The following PUDP variants were observed in gnomAD, a reference collection of about 807,000 sequenced individuals.
The protein encoded by PUDP is pseudouridine 5'-phosphatase.
A neutral mutation model predicts 9.4 loss-of-function variants in PUDP; 8 were observed. The observed-to-expected ratio is 0.85, with a 90% CI of 0.50 to 1.53. The LOEUF is 1.53. PUDP is among the 40% of genes most tolerant of loss of function. The probability of loss-of-function intolerance (pLI) is 0.00; values close to 1 mark genes in which losing one functional copy is unlikely to be tolerated. For synonymous variants in PUDP, 99 were observed against 80.7 expected, an observed-to-expected ratio of 1.23 and a Z score of -1.22; for missense variants, 188 against 189.7, an observed-to-expected ratio of 0.99 and a Z score of 0.05.
chrX:7,125,510 G>A (rs1932461863), intron 1 of PUDP, among the ~76,000 whole-genome samples: 1 of 111,097 alleles, frequency 9.0e-6, no homozygotes, highest in South Asian at 3.8e-4. Context: ...ATGCACAAAG[G>A]CTTTATTTAA....
intron 1 of PUDP, among the ~76,000 whole-genome samples, chrX:7,015,461 G>T (rs1359526095): frequency 1.8e-5 from 2 of 111,863 alleles, no homozygotes; most frequent in Non-Finnish European, 3.8e-5. Context: ...CCCCTCAAAG[G>T]CCCCTCTATT....
chrX:7,004,754 A>C (rs1267700819), intron 1 of PUDP, among the ~76,000 whole-genome samples: 1 of 112,137 alleles, frequency 8.9e-6, no homozygotes, highest in African/African-American at 3.2e-5. Flanking sequence ...CACTGTTTAA[A>C]GATTAGGGTA....
intron 1 of PUDP, chrX:7,113,208 G>C (rs780769705): frequency 1.8e-5 from 2 of 112,642 alleles, no homozygotes; most frequent in East Asian, 5.6e-4. Context: ...ACTGCCTGTA[G>C]GTACAGGTCC....
At chrX:6,827,390 C>T (rs761341684) in intron 3 of PUDP, among the ~76,000 whole-genome samples, 6 of 111,904 alleles carry the variant, frequency 5.4e-5, no homozygotes, top group African/African-American at 1.6e-4. Flanking sequence ...CTGTGTCACA[C>T]AATTTTGGGA....
At chrX:6,967,588 T>C (rs185771393) in intron 3 of PUDP, among the ~76,000 whole-genome samples, 1 of 111,072 alleles carries the variant, frequency 9.0e-6, no homozygotes, top group East Asian at 2.9e-4. Context: ...CACTACCCCA[T>C]GTTGGGGCTC....
At position 6,798,881 on chromosome X, in the gene PUDP, G is replaced by A. The variant is rs183893899; in HGVS notation, c.*248-92415C>T. Among the ~76,000 whole-genome samples the A allele has an allele frequency of 1.6e-4, 18 of 112,034 alleles. 1 individual carries two copies. The East Asian group carries it at 5.1e-3, about 31-fold the overall frequency. On this transcript the variant is annotated intron_variant and NMD_transcript_variant, in intron 3 of 3. Transcript: ENST00000655425. ...GCTCACTGCAGCCTAAAACCCCTGG[G>A]CTCAAGCAGTCCTCCCACCTCAGCC...
At chrX:6,719,007 G>T (rs1044539038) in intron 1 of PUDP, among the ~76,000 whole-genome samples, 2 of 111,291 alleles carry the variant, frequency 1.8e-5, no homozygotes, top group African/African-American at 6.5e-5. Context: ...AGAGAGGCCT[G>T]TGTGGGGACC....
chrX:6,842,296 T>C lies in PUDP; in HGVS notation c.*247+134837A>G, dbSNP rs750591688. Among the ~76,000 whole-genome samples the C allele has an allele frequency of 7.5e-4, 84 of 112,176 alleles. 1 individual carries two copies. The highest frequency in any genetic ancestry group is 1.1e-3 in the Non-Finnish European group (56 of 53,274). ...GTATACTTGAATATAAAATGCCTCCTTGTCAGTCTCAGGCATTCATTCAAT... is the reference window on the plus strand; with the variant it reads ...GTATACTTGAATATAAAATGCCTCCCTGTCAGTCTCAGGCATTCATTCAAT... On this transcript the variant is annotated intron_variant and NMD_transcript_variant, in intron 3 of 3. Coordinates refer to the PUDP transcript ENST00000655425.
chrX:7,009,846 A>G (rs1175213293), intron 1 of PUDP, among the ~76,000 whole-genome samples: 2 of 111,804 alleles, frequency 1.8e-5, no homozygotes, highest in Non-Finnish European at 1.9e-5. Flanking sequence ...AAAAAAACGA[A>G]AGAAAACTAT....
chrX:6,753,386 A>C (rs1171362301), intron 3 of PUDP, among the ~76,000 whole-genome samples: 1 of 112,281 alleles, frequency 8.9e-6, no homozygotes. Flanking sequence ...TGGGCATTTG[A>C]GTTGGTTCTA....
chrX:6,740,075 A>G (rs1924917619), intron 3 of PUDP, among the ~76,000 whole-genome samples: 2 of 111,323 alleles, frequency 1.8e-5, no homozygotes, highest in South Asian at 7.5e-4. Context: ...AGGGTGATCA[A>G]CTCATCCTGG....
chrX:6,939,138 C>T (rs1436354657), intron 3 of PUDP, among the ~76,000 whole-genome samples: 1 of 109,871 alleles, frequency 9.1e-6, no homozygotes, highest in Non-Finnish European at 1.9e-5. Context: ...ATTGCTTTTC[C>T]AGCTAGACAA....
At chrX:6,791,318 C>A (rs867796923) in intron 3 of PUDP, among the ~76,000 whole-genome samples, 320 of 82,117 alleles carry the variant, frequency 3.9e-3, no homozygotes, top group Middle Eastern at 0.017. Flanking sequence ...GACTCTGTCT[C>A]AAAAAAAAAA....
intron 2 of PUDP, among the ~76,000 whole-genome samples, chrX:7,080,841 C>T (rs1270286258): frequency 1.9e-5 from 2 of 107,524 alleles, no homozygotes; most frequent in African/African-American, 6.8e-5. Flanking sequence ...ATCGCTTGAA[C>T]CTAGGAAGTG....
intron 3 of PUDP, among the ~76,000 whole-genome samples, chrX:6,924,039 C>T (rs1928064028): frequency 9.0e-6 from 1 of 111,095 alleles, no homozygotes; most frequent in Admixed American, 9.6e-5. Context: ...TCACACCTTC[C>T]ATTCCTTCGT....
At chrX:6,844,229 T>C (rs185087673) in intron 3 of PUDP, among the ~76,000 whole-genome samples, 31 of 113,101 alleles carry the variant, frequency 2.7e-4, no homozygotes, top group Middle Eastern at 4.6e-3. Flanking sequence ...CAGAATCATC[T>C]TCTCATTTTA....
At chrX:6,941,933 G>A (rs1356482208) in intron 3 of PUDP, among the ~76,000 whole-genome samples, 2 of 111,676 alleles carry the variant, frequency 1.8e-5, no homozygotes, top group African/African-American at 3.3e-5. Flanking sequence ...ATTATCTTAC[G>A]TGAAACAACT....
intron 3 of PUDP, among the ~76,000 whole-genome samples, chrX:6,755,405 G>A (rs967728966): frequency 2.7e-5 from 3 of 111,392 alleles, no homozygotes; most frequent in African/African-American, 9.8e-5. Context: ...ATCACTGAAT[G>A]TCTATATTTC....
At chrX:6,707,231 A>G (rs1162984454) in intron 1 of PUDP, among the ~76,000 whole-genome samples, 3 of 110,934 alleles carry the variant, frequency 2.7e-5, no homozygotes, top group African/African-American at 9.8e-5. Context: ...GAGGATTCCA[A>G]GCAGTGCACC....
Sources: allele counts gnomAD v4.1 joint callset (sites outside exome capture counted in the v4.1 genomes callset), GRCh38; gene constraint gnomAD v4.1.1; transcripts MANE v1.5; gene names NCBI Gene and HGNC (gene_info 2026-07-23, HGNC 2026-07-21).